Variants in ZNF804A observed in about 807,000 individuals in gnomAD.
ZNF804A encodes the protein zinc finger protein 804A.
ZNF804A carries 2 observed loss-of-function variants against 16.5 expected under a neutral mutation model. The observed-to-expected ratio is 0.12, with a 90% CI of 0.05 to 0.38. ZNF804A has a LOEUF of 0.38. ZNF804A is among the 10% of genes least tolerant of loss of function. The pLI is 0.99. For missense variants in ZNF804A, 1,473 were observed against 1,390.7 expected (o/e 1.06, Z -0.94); for synonymous variants, 534 against 489.6 (o/e 1.09, Z -1.20).
intron 1 of ZNF804A, among the ~76,000 whole-genome samples, chr2:184,846,905 C>T (rs1261521636): frequency 6.6e-6 from 1 of 152,114 alleles, no homozygotes. Flanking sequence ...CAAACCTTTA[C>T]TGTGACAGCT....
chr2:184,921,468 T>C (rs1685528262), intron 2 of ZNF804A, among the ~76,000 whole-genome samples: 1 of 152,102 alleles, frequency 6.6e-6, no homozygotes, highest in South Asian at 2.1e-4. Context: ...CACATTTACA[T>C]TTTGTTTATT....
chr2:184,872,601 T>C (rs547997523), intron 2 of ZNF804A, among the ~76,000 whole-genome samples: 13 of 152,244 alleles, frequency 8.5e-5, no homozygotes, highest in Admixed American at 4.6e-4. Flanking sequence ...AAAATTGTTT[T>C]TAAAATGCAT....
intron 1 of ZNF804A, among the ~76,000 whole-genome samples, chr2:184,735,422 T>TCA (rs1574186955): frequency 1.3e-5 from 2 of 152,056 alleles, no homozygotes; most frequent in East Asian, 3.9e-4. Flanking sequence ...GAGGGGAACA[T>TCA]CACACACCGG....
intron 1 of ZNF804A, among the ~76,000 whole-genome samples, chr2:184,677,739 TA>T (rs1320765726): frequency 6.6e-6 from 1 of 152,062 alleles, no homozygotes; most frequent in Non-Finnish European, 1.5e-5. Context: ...CAAAATGATT[TA>T]AAAGAAAGCA....
intron 1 of ZNF804A, among the ~76,000 whole-genome samples, chr2:184,770,213 G>C (rs933048181): frequency 6.6e-6 from 1 of 152,034 alleles, no homozygotes; most frequent in Non-Finnish European, 1.5e-5. Flanking sequence ...GGAAGTTATA[G>C]TAACAAATTG....
At chr2:184,741,168 T>C (rs924078792) in intron 1 of ZNF804A, among the ~76,000 whole-genome samples, 17 of 152,290 alleles carry the variant, frequency 1.1e-4, no homozygotes, top group East Asian at 1.9e-4. Flanking sequence ...CTAGAATTCA[T>C]TGAATTCACT....
At chr2:184,730,852 T>C (rs1436719266) in intron 1 of ZNF804A, among the ~76,000 whole-genome samples, 1 of 151,732 alleles carries the variant, frequency 6.6e-6, no homozygotes, top group Non-Finnish European at 1.5e-5. Flanking sequence ...TGCAGCTTTT[T>C]TTTTTTTGTG....
At chr2:184,831,811 G>A (rs1695265846) in intron 1 of ZNF804A, among the ~76,000 whole-genome samples, 1 of 151,632 alleles carries the variant, frequency 6.6e-6, no homozygotes, top group Non-Finnish European at 1.5e-5. Flanking sequence ...TACACTCTTG[G>A]AAAGAGTTTT....
intron 1 of ZNF804A, among the ~76,000 whole-genome samples, chr2:184,734,327 A>C (rs1053527486): frequency 6.6e-6 from 1 of 152,122 alleles, no homozygotes; most frequent in African/African-American, 2.4e-5. Flanking sequence ...CCGTCTAAAC[A>C]CTGTTTTTGC....
intron 1 of ZNF804A, among the ~76,000 whole-genome samples, chr2:184,620,184 C>T (rs1356052806): frequency 6.6e-6 from 1 of 151,724 alleles, no homozygotes; most frequent in African/African-American, 2.4e-5. Context: ...TTATTGAGCT[C>T]TAGCTTATAA....
chr2:184,620,536 T>C (rs1157728804), intron 1 of ZNF804A, among the ~76,000 whole-genome samples: 3 of 151,798 alleles, frequency 2.0e-5, no homozygotes, highest in Admixed American at 1.3e-4. Flanking sequence ...CAGATTGAAT[T>C]AAACAGGGTA....
At chr2:184,664,370 G>A (rs1692224325) in intron 1 of ZNF804A, among the ~76,000 whole-genome samples, 3 of 151,192 alleles carry the variant, frequency 2.0e-5, no homozygotes. Context: ...TTAAACAAGT[G>A]GCTTAATAAT....
intron 2 of ZNF804A, among the ~76,000 whole-genome samples, chr2:184,875,990 A>G (rs1696048827): frequency 6.6e-6 from 1 of 152,050 alleles, no homozygotes; most frequent in Admixed American, 6.6e-5. Flanking sequence ...CCCCTCAAAC[A>G]TCTTGATTTT....
At chr2:184,641,083 T>C (rs973712074) in intron 1 of ZNF804A, among the ~76,000 whole-genome samples, 1 of 151,994 alleles carries the variant, frequency 6.6e-6, no homozygotes, top group Admixed American at 6.6e-5. Flanking sequence ...GCCTCCTGAG[T>C]AGCTGGGATT....
intron 1 of ZNF804A, among the ~76,000 whole-genome samples, chr2:184,840,863 A>C (rs568578706): frequency 6.6e-6 from 1 of 152,126 alleles, no homozygotes; most frequent in Non-Finnish European, 1.5e-5. Flanking sequence ...ACTCAAACAT[A>C]GACCCTAGGT....
intron 1 of ZNF804A, among the ~76,000 whole-genome samples, chr2:184,650,708 CAAAG>C (rs1236309246): frequency 2.0e-5 from 3 of 152,018 alleles, no homozygotes; most frequent in South Asian, 2.1e-4. Flanking sequence ...CAAAACAAAA[CAAAG>C]AACCAAACAA....
intron 1 of ZNF804A, among the ~76,000 whole-genome samples, chr2:184,644,424 T>C (rs1225911647): frequency 6.6e-6 from 1 of 151,688 alleles, no homozygotes; most frequent in Non-Finnish European, 1.5e-5. Context: ...TTTCTAAATA[T>C]AAGGTAAGTT....
Position 184,937,756 on chromosome 2 carries a change from G to A in ZNF804A, c.2360G>A (p.Arg787Gln). Residue 787 changes from arginine (R) to glutamine (Q), a missense_variant, in exon 4 of 4, where the codon CGA (arginine) becomes CAA (glutamine). Arg to Gln is a conservative substitution (Grantham distance 43, BLOSUM62 1). Coordinates refer to ENST00000302277, the MANE Select transcript of ZNF804A (RefSeq NM_194250.2). ...TATTCTTCAGATGAAAGTTTAAATC[G>A]ACAGAATCATTTACCAGAAGAATTT... Reference protein sequence around the residue: ...HSYSSDESLNRQNHLPEEFLR... With the variant: ...HSYSSDESLNQQNHLPEEFLR... 9 of 1,613,842 alleles carry A rather than the reference G, an allele frequency of 5.6e-6. No homozygotes were observed. Among genetic ancestry groups the A allele is most frequent in the Middle Eastern group, 1.7e-4 (1 of 6,060 alleles).
intron 1 of ZNF804A, among the ~76,000 whole-genome samples, chr2:184,693,695 A>AT (rs1301834295): frequency 6.6e-6 from 1 of 151,858 alleles, no homozygotes; most frequent in Non-Finnish European, 1.5e-5. Context: ...CCTATGCATT[A>AT]TTTTTTTCTT....
Sources: gnomAD v4.1 joint callset for allele counts (sites outside exome capture counted in the v4.1 genomes callset) on GRCh38, gnomAD v4.1.1 for gene constraint, MANE v1.5 for transcripts, NCBI Gene and HGNC (gene_info 2026-07-23, HGNC 2026-07-21) for gene names.